MECR: variants seen among roughly 807,000 people sequenced by gnomAD.
MECR encodes enoyl-[acyl-carrier-protein] reductase, mitochondrial.
A neutral mutation model predicts 49.1 loss-of-function variants in MECR; 37 were observed. The ratio of observed to expected loss-of-function variants is 0.75; its 90% CI spans 0.58 to 0.99. The LOEUF is 0.99. Among genes scored for constraint, MECR ranks in the 50% least tolerant of loss-of-function variants. The pLI, the probability that MECR is intolerant of heterozygous loss-of-function variation, is 0.00. For synonymous variants in MECR, 198 were observed against 191.1 expected, an observed-to-expected ratio of 1.04 and a Z score of -0.30; for missense variants, 470 against 479.6, an observed-to-expected ratio of 0.98 and a Z score of 0.19.
chr1:29,204,176 G>A (rs542095264), intron 4 of MECR, among the ~76,000 whole-genome samples: 1 of 152,046 alleles, frequency 6.6e-6, no homozygotes, highest in East Asian at 1.9e-4. Flanking sequence ...CTGAGATCGC[G>A]CCACTGTACT....
intron 1 of MECR, 137 bp from the exon 2 acceptor site, chr1:29,216,822 AAG>A (rs1399179821): frequency 3.3e-6 from 5 of 1,508,398 alleles, no homozygotes; most frequent in African/African-American, 1.4e-5. Context: ...TCTGTTATAA[AAG>A]AGAGGTACCA....
intron 1 of MECR, among the ~76,000 whole-genome samples, chr1:29,221,562 A>G (rs1027178418): frequency 1.3e-5 from 2 of 152,206 alleles, no homozygotes; most frequent in Non-Finnish European, 2.9e-5. Context: ...CTCTTAAATA[A>G]GCGACACTAA....
chr1:29,207,029 T>A (rs1676769970), intron 3 of MECR, 124 bp from the exon 4 acceptor site: 6 of 995,974 alleles, frequency 6.0e-6, no homozygotes, highest in Non-Finnish European at 8.9e-6. Flanking sequence ...GCATCCAGGA[T>A]AGCATCCAGG....
Position 29,201,595 on chromosome 1 carries a change from A to T in MECR, c.756+348T>A. The T allele has an allele frequency of 2.2e-6, 1 of 463,114 alleles. No homozygotes were observed. Among genetic ancestry groups the T allele is most frequent in the Non-Finnish European group, 4.2e-6 (1 of 239,668 alleles). The allele number at this position is 463,114 out of a possible 1,614,324, so 28.7% of individuals were successfully genotyped here. A position where few individuals can be genotyped will look rare whatever the true frequency, so the allele number is the denominator to read the frequency against. Reference sequence around the variant, plus strand: ...TAAAATGTAAGGCAGGTGGTTGGGAAAGGTTACTTCTTTTCTTTCTCTTTC... The same window carrying T: ...TAAAATGTAAGGCAGGTGGTTGGGATAGGTTACTTCTTTTCTTTCTCTTTC... On this transcript the variant is annotated intron_variant, in intron 6 of 9. Coordinates refer to ENST00000263702, the MANE Select transcript of MECR (RefSeq NM_016011.5). This position sits in a 1 kb window ranked among gnomAD's most constrained non-coding sequence, Gnocchi z 4.3.
chr1:29,229,922 G>A (rs1452590553), intron 1 of MECR, among the ~76,000 whole-genome samples: 1 of 152,128 alleles, frequency 6.6e-6, no homozygotes, highest in African/African-American at 2.4e-5. Flanking sequence ...CATGAATTAA[G>A]ATCCAACAGA....
chr1:29,219,452 C>T (rs758250437), intron 1 of MECR, among the ~76,000 whole-genome samples: 84 of 152,164 alleles, frequency 5.5e-4, no homozygotes, highest in Non-Finnish European at 9.1e-4. Context: ...CCTTCAAGGC[C>T]CAGTTCAAAG....
intron 3 of MECR, among the ~76,000 whole-genome samples, chr1:29,210,073 C>T (rs1453211518): frequency 2.0e-5 from 3 of 151,094 alleles, no homozygotes; most frequent in South Asian, 2.1e-4. Flanking sequence ...TGCAGTGGCA[C>T]GATCTCAGCT....
At chr1:29,216,916 CCT>C in intron 1 of MECR, 1 of 942,860 alleles carries the variant, frequency 1.1e-6, no homozygotes, top group Non-Finnish European at 1.4e-6. Flanking sequence ...AGGCGGATAA[CCT>C]GAGGTCAGGA....
intron 7 of MECR, among the ~76,000 whole-genome samples, chr1:29,199,749 G>C (rs1674880902): frequency 6.6e-6 from 1 of 151,406 alleles, no homozygotes; most frequent in Non-Finnish European, 1.5e-5. Flanking sequence ...CTCCCAAGTA[G>C]CTGGGATTAC....
the MECR span, among the ~76,000 whole-genome samples, chr1:29,181,420 T>C: frequency 2.7e-4 from 41 of 151,924 alleles, no homozygotes; most frequent in South Asian, 3.5e-3. Flanking sequence ...CCCGTCCCAC[T>C]CAGGGCCTCA....
At chr1:29,190,202 G>T (rs546076267), downstream of MECR, among the ~76,000 whole-genome samples, 4 of 151,272 alleles carry the variant, frequency 2.6e-5, no homozygotes, top group Admixed American at 6.6e-5. Flanking sequence ...GTGAAACCCT[G>T]TCTCTACTAA....
the MECR span, chr1:29,169,755 A>G: frequency 3.3e-5 from 5 of 152,332 alleles, no homozygotes; most frequent in South Asian, 2.1e-4. Context: ...CACATTGCAG[A>G]TAACAGCCCA....
At chr1:29,200,957 TA>T (rs1002155999) in intron 6 of MECR, among the ~76,000 whole-genome samples, 4 of 151,160 alleles carry the variant, frequency 2.6e-5, no homozygotes, top group Admixed American at 2.0e-4. Flanking sequence ...ACCAGATAAT[TA>T]AAAAAAAATG....
At chr1:29,196,932 G>C (rs1042795535) in intron 7 of MECR, among the ~76,000 whole-genome samples, 6 of 152,146 alleles carry the variant, frequency 3.9e-5, no homozygotes, top group African/African-American at 1.4e-4. Context: ...TTGAGCCTGG[G>C]AGGTTGAGGC....
At chr1:29,168,380 T>A in the MECR span, 2 of 152,140 alleles carry the variant, frequency 1.3e-5, no homozygotes, top group African/African-American at 4.8e-5. Flanking sequence ...CTGTGTACAA[T>A]CTTTTTTCAC....
intron 4 of MECR, 117 bp downstream of exon 4, chr1:29,206,645 G>A (rs1471410034): frequency 3.2e-5 from 37 of 1,167,414 alleles, no homozygotes; most frequent in Middle Eastern, 5.7e-4. Flanking sequence ...CCAGGTGAGA[G>A]GTCCATCACC....
Position 29,194,131 on chromosome 1 carries a change from C to T in MECR, c.1013G>A (p.Gly338Asp). 6.2e-7 allele frequency: 1 copy of T among 1,613,956 alleles called. No individual in the cohort carries two copies. Among genetic ancestry groups the T allele is most frequent in the Non-Finnish European group, 8.5e-7 (1 of 1,179,920 alleles). ...ILTLCDLIRRGQLTAPACSQV... is the reference protein window; with the variant it reads ...ILTLCDLIRRDQLTAPACSQV... Reference sequence around the variant, plus strand: ...GGAGCAGGCAGGGGCTGTGAGCTGGCCTCGGCGGATGAGATCGCACAGTGT... The same window carrying T: ...GGAGCAGGCAGGGGCTGTGAGCTGGTCTCGGCGGATGAGATCGCACAGTGT... The change falls in exon 10 of 10, where the codon GGC (glycine) becomes GAC (aspartate). Residue 338 changes from glycine (G) to aspartate (D), a missense_variant. Transcript: ENST00000263702.
chr1:29,216,683 A>G lies in MECR; in HGVS notation c.179T>C (p.Leu60Pro). 1 of 1,614,212 alleles carries G rather than the reference A, an allele frequency of 6.2e-7. No homozygotes were observed. Among genetic ancestry groups the G allele is most frequent in the East Asian group, 2.2e-5 (1 of 44,882 alleles). The change falls in exon 2 of 10, where the codon CTC (leucine) becomes CCC (proline). Residue 60 changes from leucine (L) to proline (P), a missense_variant and splice_region_variant. Transcript: ENST00000263702. ...CACAGCAGCTAGCTCCAGGTTCTTG[A>G]GTCTAAGCACAAAGCCAAACGGAGA... ...HHGDPAKVVELKNLELAAVRG... is the reference protein window; with the variant it reads ...HHGDPAKVVEPKNLELAAVRG...
the MECR span, chr1:29,171,015 T>C: frequency 6.6e-6 from 1 of 152,222 alleles, no homozygotes; most frequent in Admixed American, 6.5e-5. Context: ...CCTCAAACTA[T>C]GGGCATACAA....
Sources: allele counts gnomAD v4.1 joint callset (sites outside exome capture counted in the v4.1 genomes callset), GRCh38; gene constraint gnomAD v4.1.1; non-coding constraint Gnocchi (gnomAD v3.1); transcripts MANE v1.5; gene names NCBI Gene and HGNC (gene_info 2026-07-23, HGNC 2026-07-21).